CNOT10: variants seen among roughly 807,000 people sequenced by gnomAD.
CNOT10 encodes the protein CCR4-NOT transcription complex subunit 10, also known as CCR4-NOT transcription complex, subunit 10.
CNOT10 carries 30 observed loss-of-function variants against 94.6 expected under a neutral mutation model. That is an observed-to-expected ratio of 0.32 (90% CI 0.24 to 0.43). The LOEUF (loss-of-function observed/expected upper bound fraction) is 0.43, where lower values mean the gene tolerates loss of function less well. Ranked by LOEUF, CNOT10 falls within the 20% of genes least tolerant of loss-of-function variation. The pLI is 1.00. For synonymous variants in CNOT10, 289 were observed against 301.6 expected (o/e 0.96, Z 0.43); for missense variants, 759 against 877.2 (o/e 0.87, Z 1.70).
At chr3:32,723,422 A>G (rs1698512980) in intron 8 of CNOT10, among the ~76,000 whole-genome samples, 1 of 152,070 alleles carries the variant, frequency 6.6e-6, no homozygotes, top group African/African-American at 2.4e-5. Flanking sequence ...AGAATATTAA[A>G]GCTTAGATTA....
chr3:32,687,565 C>T (rs1318761853), intron 1 of CNOT10, among the ~76,000 whole-genome samples: 1 of 150,654 alleles, frequency 6.6e-6, no homozygotes, highest in South Asian at 2.1e-4. Context: ...CATTCTCCTG[C>T]CTCAGCCACC....
At chr3:32,727,959 C>A in intron 10 of CNOT10, 89 bp downstream of exon 10, 62 of 846,794 alleles carry the variant, frequency 7.3e-5, no homozygotes, top group Non-Finnish European at 1.1e-4. Context: ...ACCTTGGAAA[C>A]ATACATAAGA....
intron 6 of CNOT10, 94 bp downstream of exon 6, chr3:32,716,405 A>G (rs76955747): frequency 0.028 from 17,040 of 608,972 alleles, 418 homozygotes; most frequent in African/African-American, 0.079. Flanking sequence ...GAAGCAGTCA[A>G]TAATTCAAGG....
At chr3:32,731,922 C>T (rs1223901346) in intron 10 of CNOT10, among the ~76,000 whole-genome samples, 1 of 151,454 alleles carries the variant, frequency 6.6e-6, no homozygotes, top group Non-Finnish European at 1.5e-5. Flanking sequence ...ACTAAAAATA[C>T]AAAAAATTAG....
chr3:32,754,010 GA>G lies in CNOT10; in HGVS notation c.1596-5446del, dbSNP rs1575293104. ...TACTGGGAAGGCCACCAAGGCAGGA[GA>G]ATTGCTTGAACCCAGGAGGCGGAGG... On this transcript the variant is annotated intron_variant, in intron 13 of 18. Coordinates refer to ENST00000328834, the MANE Select transcript of CNOT10 (RefSeq NM_015442.3). 2.0e-5 allele frequency: 11 copies of G among 544,218 alleles called. No homozygotes were observed. The East Asian group carries it at 2.4e-4, about 12-fold the overall frequency. The allele number at this position is 544,218 out of a possible 1,614,324, so 33.7% of individuals were successfully genotyped here. A position where few individuals can be genotyped will look rare whatever the true frequency, so the allele number is the denominator to read the frequency against.
At chr3:32,764,963 A>T in intron 17 of CNOT10, 154 bp downstream of exon 17, 1 of 1,514,366 alleles carries the variant, frequency 6.6e-7, no homozygotes. Context: ...CAAGGTAAAC[A>T]ACTAATCAGC....
intron 1 of CNOT10, among the ~76,000 whole-genome samples, chr3:32,691,606 G>T (rs571512033): frequency 6.6e-6 from 1 of 152,250 alleles, no homozygotes; most frequent in East Asian, 1.9e-4. Flanking sequence ...CTCTAGCTAT[G>T]ACTTTTAATG....
chr3:32,722,541 G>C (rs1698469577), intron 8 of CNOT10, among the ~76,000 whole-genome samples: 1 of 152,198 alleles, frequency 6.6e-6, no homozygotes, highest in Non-Finnish European at 1.5e-5. Context: ...GCAGGAGCTG[G>C]AAGTGGTGGC....
At chr3:32,698,079 A>G (rs1189923978) in intron 1 of CNOT10, among the ~76,000 whole-genome samples, 1 of 152,192 alleles carries the variant, frequency 6.6e-6, no homozygotes, top group East Asian at 1.9e-4. Context: ...TCTTTTGTGC[A>G]CCTGACAGTT....
At chr3:32,746,241 C>T (rs1226689686) in intron 13 of CNOT10, among the ~76,000 whole-genome samples, 1 of 152,108 alleles carries the variant, frequency 6.6e-6, no homozygotes, top group Non-Finnish European at 1.5e-5. Context: ...TTTTTGGCAC[C>T]AGGGACCAGG....
At chr3:32,700,391 G>T (rs1468200638) in intron 1 of CNOT10, among the ~76,000 whole-genome samples, 1 of 152,166 alleles carries the variant, frequency 6.6e-6, no homozygotes, top group Non-Finnish European at 1.5e-5. Flanking sequence ...ACTTGCCCCA[G>T]TTCCACTTTG....
chr3:32,745,258 A>G (rs1340327571), intron 13 of CNOT10, among the ~76,000 whole-genome samples: 1 of 152,038 alleles, frequency 6.6e-6, no homozygotes, highest in Non-Finnish European at 1.5e-5. Context: ...CAGTTGTCAT[A>G]CTGTATTGGT....
At chr3:32,761,374 G>C (rs1451231751) in intron 14 of CNOT10, among the ~76,000 whole-genome samples, 2 of 152,034 alleles carry the variant, frequency 1.3e-5, no homozygotes, top group Non-Finnish European at 2.9e-5. Context: ...TGGTGTATAC[G>C]GCCATTATGA....
intron 13 of CNOT10, among the ~76,000 whole-genome samples, chr3:32,737,810 A>G (rs1223087712): frequency 6.6e-6 from 1 of 152,122 alleles, no homozygotes; most frequent in Non-Finnish European, 1.5e-5. Context: ...TGTCTCAAAA[A>G]AAAAAAGAAC....
intron 11 of CNOT10, among the ~76,000 whole-genome samples, chr3:32,733,930 C>G (rs1420929346): frequency 6.6e-6 from 1 of 152,112 alleles, no homozygotes; most frequent in Non-Finnish European, 1.5e-5. Context: ...GGAATTCTTA[C>G]TATTCAGAGA....
chr3:32,753,905 A>C, intron 13 of CNOT10: 1 of 1,268,794 alleles, frequency 7.9e-7, no homozygotes, highest in South Asian at 1.2e-5. Flanking sequence ...GTACTAAATA[A>C]ATTAATTTGC....
intron 10 of CNOT10, among the ~76,000 whole-genome samples, chr3:32,730,315 C>A (rs1476716054): frequency 1.3e-5 from 2 of 152,034 alleles, no homozygotes; most frequent in East Asian, 3.9e-4. Flanking sequence ...CTCCTCCCCT[C>A]CCCCTAGAGG....
intron 14 of CNOT10, among the ~76,000 whole-genome samples, chr3:32,760,790 GC>G (rs1700410857): frequency 6.6e-6 from 1 of 151,718 alleles, no homozygotes; most frequent in Non-Finnish European, 1.5e-5. Flanking sequence ...TTACTCTTTG[GC>G]TTTTTAGTGA....
At chr3:32,728,933 C>G (rs1284461070) in intron 10 of CNOT10, among the ~76,000 whole-genome samples, 1 of 152,080 alleles carries the variant, frequency 6.6e-6, no homozygotes, top group African/African-American at 2.4e-5. Context: ...ACCCCCGTCT[C>G]TACTAAAAAT....
Sources: gnomAD v4.1 joint callset for allele counts (sites outside exome capture counted in the v4.1 genomes callset) on GRCh38, gnomAD v4.1.1 for gene constraint, MANE v1.5 for transcripts, NCBI Gene and HGNC (gene_info 2026-07-23, HGNC 2026-07-21) for gene names.